The following LRRTM4 variants were observed in gnomAD, a reference collection of about 807,000 sequenced individuals.
LRRTM4 encodes the protein leucine-rich repeat transmembrane neuronal protein 4.
Under a neutral mutation model 47.6 loss-of-function variants are expected in LRRTM4, and 25 were observed. The observed-to-expected ratio is 0.53, with a 90% CI of 0.38 to 0.73. LRRTM4 has a LOEUF of 0.73. LRRTM4 is among the 30% of genes least tolerant of loss of function. The pLI is 0.00. For missense variants in LRRTM4, 638 were observed against 713.4 expected, an observed-to-expected ratio of 0.89 and a Z score of 1.20; for synonymous variants, 311 against 269.5, an observed-to-expected ratio of 1.15 and a Z score of -1.51.
intron 3 of LRRTM4, among the ~76,000 whole-genome samples, chr2:76,899,691 A>G (rs903028944): frequency 1.3e-5 from 2 of 152,182 alleles, no homozygotes; most frequent in Non-Finnish European, 2.9e-5. Context: ...TACTAGGAAT[A>G]TTGATAGACT....
chr2:77,088,301 C>G (rs1454207631), intron 3 of LRRTM4, among the ~76,000 whole-genome samples: 1 of 152,146 alleles, frequency 6.6e-6, no homozygotes, highest in South Asian at 2.1e-4. Context: ...CCTGAAGTAA[C>G]TTAAGAATCA....
At chr2:76,780,744 C>G (rs183003582) in intron 3 of LRRTM4, among the ~76,000 whole-genome samples, 37 of 152,278 alleles carry the variant, frequency 2.4e-4, no homozygotes, top group African/African-American at 8.4e-4. Context: ...TGTCTGAAGT[C>G]TTCTTCTCTC....
intron 3 of LRRTM4, among the ~76,000 whole-genome samples, chr2:76,869,191 C>T (rs188108228): frequency 6.6e-6 from 1 of 151,966 alleles, no homozygotes; most frequent in Admixed American, 6.6e-5. Context: ...TGCCTTTAGT[C>T]CCAGCTACTT....
At chr2:76,998,488 C>T (rs545345406) in intron 3 of LRRTM4, among the ~76,000 whole-genome samples, 61 of 151,848 alleles carry the variant, frequency 4.0e-4, no homozygotes, top group Non-Finnish European at 7.5e-4. Context: ...GCACACACAC[C>T]ACCCCTCCCC....
At chr2:76,873,982 A>G (rs1472089246) in intron 3 of LRRTM4, among the ~76,000 whole-genome samples, 2 of 152,008 alleles carry the variant, frequency 1.3e-5, no homozygotes, top group African/African-American at 2.4e-5. Flanking sequence ...AACCAGATTT[A>G]ATAAAAATTT....
chr2:77,266,686 A>G (rs186724547), intron 3 of LRRTM4, among the ~76,000 whole-genome samples: 346 of 152,218 alleles, frequency 2.3e-3, no homozygotes, highest in African/African-American at 8.1e-3. Context: ...TGCTAAAAAT[A>G]TGTCTGAAAG....
intron 3 of LRRTM4, among the ~76,000 whole-genome samples, chr2:77,379,612 T>C (rs1219194361): frequency 5.9e-5 from 9 of 152,152 alleles, no homozygotes; most frequent in Admixed American, 5.9e-4. Flanking sequence ...TTAATTTTTA[T>C]TTAAATATAT....
chr2:77,135,088 C>T (rs1671898217), intron 3 of LRRTM4, among the ~76,000 whole-genome samples: 1 of 152,216 alleles, frequency 6.6e-6, no homozygotes, highest in Non-Finnish European at 1.5e-5. Context: ...GCAGCAACTA[C>T]ATATGGACGG....
At chr2:77,514,495 T>A (rs747613032) in intron 3 of LRRTM4, among the ~76,000 whole-genome samples, 1 of 152,014 alleles carries the variant, frequency 6.6e-6, no homozygotes, top group African/African-American at 2.4e-5. Context: ...TGAAAACCAG[T>A]ATATTTTTAA....
intron 3 of LRRTM4, among the ~76,000 whole-genome samples, chr2:76,881,046 A>G (rs1010089415): frequency 1.3e-5 from 2 of 152,182 alleles, no homozygotes; most frequent in Admixed American, 6.5e-5. Context: ...TAGGATGGCT[A>G]TAGTTGACAG....
chr2:77,419,173 A>G (rs745556497), intron 3 of LRRTM4, among the ~76,000 whole-genome samples: 1 of 152,084 alleles, frequency 6.6e-6, no homozygotes, highest in Non-Finnish European at 1.5e-5. Flanking sequence ...GGATTTATCT[A>G]TTTATTTTCT....
chr2:77,454,016 G>T (rs1167751053), intron 3 of LRRTM4, among the ~76,000 whole-genome samples: 2 of 152,004 alleles, frequency 1.3e-5, no homozygotes, highest in African/African-American at 2.4e-5. Context: ...CTTACACAAT[G>T]GATTCCACCT....
intron 3 of LRRTM4, among the ~76,000 whole-genome samples, chr2:76,805,128 A>T (rs1675904745): frequency 1.3e-5 from 2 of 152,290 alleles, no homozygotes; most frequent in Middle Eastern, 3.4e-3. Context: ...GGAGACAGGA[A>T]TCAAGGCCCT....
intron 3 of LRRTM4, among the ~76,000 whole-genome samples, chr2:77,488,041 G>A (rs973651068): frequency 7.9e-5 from 12 of 152,154 alleles, no homozygotes; most frequent in Middle Eastern, 3.2e-3. Flanking sequence ...TAACAAAAAC[G>A]GGGCTGAAAC....
intron 3 of LRRTM4, among the ~76,000 whole-genome samples, chr2:76,790,888 C>T (rs1674937049): frequency 6.6e-6 from 1 of 152,074 alleles, no homozygotes; most frequent in African/African-American, 2.4e-5. Context: ...TGACTGAATC[C>T]CACAGCAGGT....
At chr2:77,273,577 A>G (rs1040553213) in intron 3 of LRRTM4, among the ~76,000 whole-genome samples, 1 of 152,180 alleles carries the variant, frequency 6.6e-6, no homozygotes, top group Non-Finnish European at 1.5e-5. Flanking sequence ...TAAGACAAAC[A>G]GGAATTTCAG....
chr2:76,770,432 G>A (rs577624315), intron 3 of LRRTM4, among the ~76,000 whole-genome samples: 43 of 152,262 alleles, frequency 2.8e-4, no homozygotes, highest in Non-Finnish European at 6.2e-4. Context: ...CTGCTTTCTG[G>A]AGTAGTGTAA....
At chr2:76,768,812 T>A (rs1169893045) in intron 3 of LRRTM4, among the ~76,000 whole-genome samples, 1 of 152,188 alleles carries the variant, frequency 6.6e-6, no homozygotes, top group Non-Finnish European at 1.5e-5. Flanking sequence ...AATTAGGATC[T>A]GATTCCTCCT....
At chr2:77,247,237 A>C (rs538359669) in intron 3 of LRRTM4, among the ~76,000 whole-genome samples, 1 of 152,236 alleles carries the variant, frequency 6.6e-6, no homozygotes, top group Admixed American at 6.5e-5. Flanking sequence ...TGATTTAATA[A>C]GATATGAATA....
Sources: gnomAD v4.1 joint callset for allele counts (sites outside exome capture counted in the v4.1 genomes callset) on GRCh38, gnomAD v4.1.1 for gene constraint, MANE v1.5 for transcripts, NCBI Gene and HGNC (gene_info 2026-07-23, HGNC 2026-07-21) for gene names.